The following TMEM39B variants were observed in gnomAD, a reference collection of about 807,000 sequenced individuals.
TMEM39B encodes transmembrane protein 39B.
Under a neutral mutation model 52.2 loss-of-function variants are expected in TMEM39B, and 23 were observed. That is an observed-to-expected ratio of 0.44 (90% CI 0.32 to 0.62). TMEM39B has a LOEUF of 0.62. Among genes scored for constraint, TMEM39B ranks in the 20% least tolerant of loss-of-function variants. The probability of loss-of-function intolerance (pLI) is 0.06; values close to 1 mark genes in which losing one functional copy is unlikely to be tolerated. For synonymous variants in TMEM39B, 285 were observed against 264.0 expected (o/e 1.08, Z -0.77); for missense variants, 547 against 642.0 (o/e 0.85, Z 1.60).
At chr1:32,098,325 T>C (rs1003531894) in intron 7 of TMEM39B, among the ~76,000 whole-genome samples, 2 of 151,436 alleles carry the variant, frequency 1.3e-5, no homozygotes, top group Non-Finnish European at 2.9e-5. Context: ...TTTAAATGAG[T>C]GAGTCAGCAA....
chr1:32,094,580 A>G (rs1640740942), intron 6 of TMEM39B, among the ~76,000 whole-genome samples: 1 of 152,186 alleles, frequency 6.6e-6, no homozygotes, highest in African/African-American at 2.4e-5. Context: ...AGTGGTGGGC[A>G]GTGGGAGCAA....
At chr1:32,075,865 C>T (rs527945911) in intron 3 of TMEM39B, 43 bp downstream of exon 3, 1,386 of 826,644 alleles carry the variant, frequency 1.7e-3, no homozygotes, top group East Asian at 5.2e-3. Context: ...TGTGTGTGTG[C>T]GTGTGTGTGT....
chr1:32,091,439 C>T (rs896443358), intron 5 of TMEM39B, among the ~76,000 whole-genome samples: 2 of 152,204 alleles, frequency 1.3e-5, no homozygotes, highest in African/African-American at 4.8e-5. Context: ...TACTGTAGCC[C>T]CAGTGTCAGC....
At chr1:32,094,284 G>A (rs1640729654) in intron 6 of TMEM39B, among the ~76,000 whole-genome samples, 1 of 151,262 alleles carries the variant, frequency 6.6e-6, no homozygotes, top group Non-Finnish European at 1.5e-5. Context: ...ACGCCACCAC[G>A]CCCGGCTAAT....
At chr1:32,077,127 C>G in intron 4 of TMEM39B, 37 bp from the exon 5 acceptor site, 1 of 1,610,868 alleles carries the variant, frequency 6.2e-7, no homozygotes, top group Non-Finnish European at 8.5e-7. Context: ...CGGCCTCCAT[C>G]CAAGGCCCCA....
chr1:32,077,189 T>G lies in TMEM39B; in HGVS notation c.461T>G (p.Leu154Arg), dbSNP rs1279720525. ...KEASQRGKVSLFRSILLFLTR... is the reference protein window; with the variant it reads ...KEASQRGKVSRFRSILLFLTR... ...GCCTCTCAGAGGGGGAAGGTCTCCC[T>G]CTTTCGCTCCATCCTGCTGTTCCTC... The change falls in exon 5 of 9, where the codon CTC (leucine) becomes CGC (arginine). Residue 154 changes from leucine (L) to arginine (R), a missense_variant. Physicochemically the swap from Leu to Arg is moderately radical, Grantham distance 102. Coordinates refer to ENST00000336294, the MANE Select transcript of TMEM39B (RefSeq NM_018056.4). 1 of 1,614,128 alleles carries G rather than the reference T, an allele frequency of 6.2e-7. No individual in the cohort carries two copies. Among genetic ancestry groups the G allele is most frequent in the African/African-American group, 1.3e-5 (1 of 75,040 alleles).
At chr1:32,075,213 A>G in intron 2 of TMEM39B, 136 bp downstream of exon 2, 1 of 1,265,178 alleles carries the variant, frequency 7.9e-7, no homozygotes, top group East Asian at 2.6e-5. Flanking sequence ...AGCAGAAAAG[A>G]TCCAGAGGGA....
chr1:32,076,000 C>T (rs997242015), intron 3 of TMEM39B, 178 bp downstream of exon 3: 8 of 507,106 alleles, frequency 1.6e-5, no homozygotes, highest in South Asian at 3.2e-5. Context: ...ACTGAATACT[C>T]CTAGTGTGTT....
At chr1:32,073,074 G>A (rs774122240) in intron 1 of TMEM39B, 23 bp downstream of exon 1, 14 of 1,462,740 alleles carry the variant, frequency 9.6e-6, no homozygotes, top group Non-Finnish European at 1.2e-5. Flanking sequence ...GCTCAGGCTC[G>A]GCCTGGCAAC....
intron 7 of TMEM39B, among the ~76,000 whole-genome samples, chr1:32,097,333 CTTT>C (rs1033574033): frequency 1.0e-4 from 14 of 138,928 alleles, no homozygotes; most frequent in East Asian, 2.1e-4. Context: ...CCAACTTCTT[CTTT>C]TTTTTTTTTT....
chr1:32,100,946 A>C (rs1191849181), intron 8 of TMEM39B, among the ~76,000 whole-genome samples: 4 of 152,098 alleles, frequency 2.6e-5, no homozygotes, highest in Non-Finnish European at 5.9e-5. Flanking sequence ...AGGGAGAACC[A>C]CTTGAACTCA....
chr1:32,083,350 T>C (rs1480552870), intron 5 of TMEM39B, among the ~76,000 whole-genome samples: 3 of 149,232 alleles, frequency 2.0e-5, no homozygotes, highest in Middle Eastern at 3.3e-3. Context: ...CCCAAAGTGC[T>C]GGGATTACAG....
At chr1:32,086,953 G>A (rs965333434) in intron 5 of TMEM39B, 1 of 152,254 alleles carries the variant, frequency 6.6e-6, no homozygotes, top group Non-Finnish European at 1.5e-5. Flanking sequence ...CGCACCTGAA[G>A]TACCAGCTAC....
chr1:32,075,875 TA>T lies in TMEM39B; in HGVS notation c.351+54del, dbSNP rs1382452283. ...GTGTGTGTGTGTGTGCGTGTGTGTG[TA>T]TGTGTGTGTGTGTTTCTTTTGGTTT... is the stretch of plus-strand genomic sequence containing the variant. On this transcript the variant is annotated intron_variant, in intron 3 of 8. Coordinates refer to ENST00000336294, the MANE Select transcript of TMEM39B (RefSeq NM_018056.4). 1.7e-5 allele frequency: 20 copies of T among 1,205,590 alleles called. No individual in the cohort carries two copies. The African/African-American group carries it at 2.5e-4, about 15-fold the overall frequency. 74.7% of individuals were successfully genotyped at this position (1,205,590 alleles called of 1,614,324 possible).
rs1228793014 is a variant in TMEM39B, at chr1:32,090,068, A to G, written c.591-1607A>G. Among the ~76,000 whole-genome samples, 12 of 151,916 alleles carry G rather than the reference A, an allele frequency of 7.9e-5. No homozygotes were observed. In the East Asian group the frequency reaches 2.3e-3, roughly 30 times the overall value. ...GAAATGTAGCATTGTGATCAGCCCTAACTCCTGGGGGCAGCCCAGGAACCC... is the reference window on the plus strand; with the variant it reads ...GAAATGTAGCATTGTGATCAGCCCTGACTCCTGGGGGCAGCCCAGGAACCC... On this transcript the variant is annotated intron_variant, in intron 5 of 8. Coordinates refer to ENST00000336294, the MANE Select transcript of TMEM39B (RefSeq NM_018056.4).
rs1397852049 is a variant in TMEM39B at position 32,091,973 on chromosome 1, G to A, written c.889G>A (p.Ala297Thr). Reference sequence around the variant, plus strand: ...AGTGCTCGTCAGCTCCATGCTGAGCGCCTACTATGTGGCCTTTGTGCCTGT... The same window carrying A: ...AGTGCTCGTCAGCTCCATGCTGAGCACCTACTATGTGGCCTTTGTGCCTGT... ...KEVLVSSMLS[A>T]YYVAFVPVWF... is the part of the protein sequence containing the mutation. Residue 297 changes from alanine (A) to threonine (T), a missense_variant, in exon 6 of 9, where the codon GCC becomes ACC. Ala to Thr is a moderately conservative substitution (Grantham distance 58). Coordinates refer to ENST00000336294, the MANE Select transcript of TMEM39B (RefSeq NM_018056.4). 4 of 1,614,140 alleles carry A rather than the reference G, an allele frequency of 2.5e-6. No individual in the cohort carries two copies. Among genetic ancestry groups the A allele is most frequent in the Admixed American group, 3.3e-5 (2 of 60,018 alleles).
intron 7 of TMEM39B, among the ~76,000 whole-genome samples, chr1:32,096,539 A>C (rs1482133219): frequency 7.1e-6 from 1 of 140,112 alleles, no homozygotes; most frequent in Non-Finnish European, 1.5e-5. Flanking sequence ...GGCTCATTGC[A>C]ATCTCCACCT....
At chr1:32,094,254 G>A (rs1287205020) in intron 6 of TMEM39B, among the ~76,000 whole-genome samples, 1 of 147,654 alleles carries the variant, frequency 6.8e-6, no homozygotes, top group African/African-American at 2.5e-5. Context: ...AGCCTCCTGA[G>A]TAGCTGGGAC....
chr1:32,077,689 G>A (rs1639924148), intron 5 of TMEM39B, among the ~76,000 whole-genome samples: 2 of 152,022 alleles, frequency 1.3e-5, no homozygotes, highest in South Asian at 4.2e-4. Context: ...CTCAGTGTTT[G>A]TGTAATCTCT....
Sources: gnomAD v4.1 joint callset for allele counts (sites outside exome capture counted in the v4.1 genomes callset) on GRCh38, gnomAD v4.1.1 for gene constraint, MANE v1.5 for transcripts, NCBI Gene and HGNC (gene_info 2026-07-23, HGNC 2026-07-21) for gene names.